The following ACTR3C variants were observed in gnomAD, a reference collection of about 807,000 sequenced individuals.
The protein encoded by ACTR3C is actin-related protein 3C.
Under a neutral mutation model 26.3 loss-of-function variants are expected in ACTR3C, and 18 were observed. That is an observed-to-expected ratio of 0.68 (90% CI 0.47 to 1.01). The LOEUF is 1.01. Ranked by LOEUF, ACTR3C falls within the 50% of genes least tolerant of loss-of-function variation. The pLI, the probability that ACTR3C is intolerant of heterozygous loss-of-function variation, is 0.00. For missense variants in ACTR3C, 184 were observed against 250.7 expected (o/e 0.73, Z 1.80); for synonymous variants, 55 against 94.5 (o/e 0.58, Z 2.42).
chr7:150,105,077 CTTTT>C, the ACTR3C span, among the ~76,000 whole-genome samples: 1 of 148,406 alleles, frequency 6.7e-6, no homozygotes, highest in Admixed American at 6.7e-5. Flanking sequence ...CTTCTTCATT[CTTTT>C]TTTCTTTTTT....
the ACTR3C span, among the ~76,000 whole-genome samples, chr7:150,022,346 T>C: frequency 6.6e-6 from 1 of 151,416 alleles, no homozygotes; most frequent in East Asian, 1.9e-4. Context: ...TTTGTTTGAG[T>C]TCCTTGTACA....
At chr7:150,314,682 C>A (rs1479983284) in intron 1 of ACTR3C, among the ~76,000 whole-genome samples, 1 of 151,368 alleles carries the variant, frequency 6.6e-6, no homozygotes, top group African/African-American at 2.4e-5. Context: ...GTGGCTCATG[C>A]CTGTAATCCC....
chr7:149,962,183 G>A, the ACTR3C span, among the ~76,000 whole-genome samples: 3 of 152,198 alleles, frequency 2.0e-5, no homozygotes, highest in South Asian at 2.1e-4. Context: ...CTCACAAGAA[G>A]TGTGAGCTCA....
the ACTR3C span, among the ~76,000 whole-genome samples, chr7:150,046,898 T>C: frequency 1.3e-5 from 2 of 151,318 alleles, no homozygotes; most frequent in African/African-American, 4.9e-5. Flanking sequence ...AAGTTTTCAC[T>C]GAACACGGTC....
At chr7:149,885,566 C>T in the ACTR3C span, among the ~76,000 whole-genome samples, 1 of 152,096 alleles carries the variant, frequency 6.6e-6, no homozygotes, top group Middle Eastern at 3.4e-3. Context: ...ATGTTCTCAC[C>T]CCTACAGGAC....
At chr7:150,214,804 A>C in the ACTR3C span, among the ~76,000 whole-genome samples, 4 of 151,492 alleles carry the variant, frequency 2.6e-5, no homozygotes, top group East Asian at 5.8e-4. Flanking sequence ...AAAGAAAAAT[A>C]ATACAGTACA....
At chr7:150,207,997 G>T in the ACTR3C span, among the ~76,000 whole-genome samples, 1 of 152,122 alleles carries the variant, frequency 6.6e-6, no homozygotes, top group Non-Finnish European at 1.5e-5. Context: ...GGAAATGGAT[G>T]AATCCTCCTG....
the ACTR3C span, among the ~76,000 whole-genome samples, chr7:149,980,156 A>G: frequency 6.6e-6 from 1 of 152,240 alleles, no homozygotes; most frequent in African/African-American, 2.4e-5. Context: ...AAGATAGATC[A>G]GAAATGACAT....
chr7:149,900,832 A>G, the ACTR3C span, among the ~76,000 whole-genome samples: 1 of 152,094 alleles, frequency 6.6e-6, no homozygotes, highest in Non-Finnish European at 1.5e-5. Context: ...GAGGAGTTTG[A>G]GACCAGCCTG....
the ACTR3C span, among the ~76,000 whole-genome samples, chr7:149,986,701 A>G: frequency 6.6e-6 from 1 of 152,072 alleles, no homozygotes; most frequent in Non-Finnish European, 1.5e-5. Flanking sequence ...AATCTGGCCC[A>G]TTTTCTCGCA....
At chr7:150,248,384 C>G (rs1832592261) in intron 7 of ACTR3C, 1 of 151,964 alleles carries the variant, frequency 6.6e-6, no homozygotes, top group Non-Finnish European at 1.5e-5. Context: ...AAGAGTAGGC[C>G]GGGTGCGGTG....
the ACTR3C span, among the ~76,000 whole-genome samples, chr7:150,213,543 T>C: frequency 6.6e-6 from 1 of 152,160 alleles, no homozygotes; most frequent in Admixed American, 6.5e-5. Flanking sequence ...AGGGAAATTC[T>C]TTAAGCCATG....
At chr7:149,982,495 T>A in the ACTR3C span, among the ~76,000 whole-genome samples, 28 of 152,226 alleles carry the variant, frequency 1.8e-4, no homozygotes, top group African/African-American at 6.7e-4. Flanking sequence ...ATCCCTGTGG[T>A]ATAGACACTG....
chr7:150,249,428 T>C (rs1832675310), intron 6 of ACTR3C, among the ~76,000 whole-genome samples: 1 of 152,052 alleles, frequency 6.6e-6, no homozygotes, highest in Admixed American at 6.6e-5. Context: ...GACGGAAGCA[T>C]TTTTTTATTT....
At chr7:150,055,545 T>A in the ACTR3C span, among the ~76,000 whole-genome samples, 1 of 151,750 alleles carries the variant, frequency 6.6e-6, no homozygotes, top group East Asian at 1.9e-4. Context: ...CAAAAAAGAA[T>A]GCAGTCCATT....
At chr7:149,984,689 C>G in the ACTR3C span, among the ~76,000 whole-genome samples, 2 of 151,958 alleles carry the variant, frequency 1.3e-5, no homozygotes, top group Non-Finnish European at 1.5e-5. Flanking sequence ...TTCACCATAA[C>G]AGGTGATATG....
At chr7:150,205,177 A>T in the ACTR3C span, among the ~76,000 whole-genome samples, 6 of 152,196 alleles carry the variant, frequency 3.9e-5, no homozygotes, top group African/African-American at 1.4e-4. Context: ...TTTTGTTCTA[A>T]AGGGACAGCT....
the ACTR3C span, among the ~76,000 whole-genome samples, chr7:150,077,097 G>A: frequency 1.3e-5 from 2 of 152,200 alleles, no homozygotes; most frequent in African/African-American, 4.8e-5. Context: ...CCCAGGAGGC[G>A]GAGGTTGCAA....
At chr7:150,209,336 T>G in the ACTR3C span, among the ~76,000 whole-genome samples, 2 of 141,344 alleles carry the variant, frequency 1.4e-5, no homozygotes, top group Non-Finnish European at 1.5e-5. Context: ...GAGAGAGAAG[T>G]GGAAGCAGGG....
Sources: gnomAD v4.1 joint callset for allele counts (sites outside exome capture counted in the v4.1 genomes callset) on GRCh38, gnomAD v4.1.1 for gene constraint, MANE v1.5 for transcripts, NCBI Gene and HGNC (gene_info 2026-07-23, HGNC 2026-07-21) for gene names.